Variants in SEZ6L observed in about 807,000 individuals in gnomAD.
The protein encoded by SEZ6L is seizure related 6 homolog like.
SEZ6L carries 37 observed loss-of-function variants against 106.2 expected under a neutral mutation model. The ratio of observed to expected loss-of-function variants is 0.35; its 90% CI spans 0.27 to 0.46. The LOEUF (loss-of-function observed/expected upper bound fraction) is 0.46. Ranked by LOEUF, SEZ6L falls within the 20% of genes least tolerant of loss-of-function variation. The pLI, the probability that SEZ6L is intolerant of heterozygous loss-of-function variation, is 1.00. For missense variants in SEZ6L, 1,172 were observed against 1,332.8 expected (o/e 0.88, Z 1.88); for synonymous variants, 541 against 570.4 (o/e 0.95, Z 0.73).
At chr22:26,375,731 A>G in intron 15 of SEZ6L, 42 bp downstream of exon 15, 1 of 1,486,718 alleles carries the variant, frequency 6.7e-7, no homozygotes, top group Non-Finnish European at 9.3e-7. Flanking sequence ...GCACCCAGCC[A>G]CCAGTACTCA....
At chr22:26,377,566 C>A in intron 15 of SEZ6L, 107 bp from the exon 16 acceptor site, 1 of 870,540 alleles carries the variant, frequency 1.1e-6, no homozygotes, top group Non-Finnish European at 1.9e-6. Context: ...CGTCGTCATT[C>A]ACAGAGGTGC....
intron 1 of SEZ6L, among the ~76,000 whole-genome samples, chr22:26,247,094 C>T (rs2079380689): frequency 6.6e-6 from 1 of 152,176 alleles, no homozygotes; most frequent in Admixed American, 6.5e-5. Context: ...ACCCCATACC[C>T]TCATCTCATG....
At chr22:26,253,742 C>A (rs2079698372) in intron 1 of SEZ6L, among the ~76,000 whole-genome samples, 1 of 152,002 alleles carries the variant, frequency 6.6e-6, no homozygotes, top group South Asian at 2.1e-4. Flanking sequence ...TGCTTAGGTT[C>A]CTGTGTATGT....
rs747652733 is a variant in SEZ6L at position 26,313,920 on chromosome 22, G to A, written c.2015+18G>A. 1.3e-6 allele frequency: 2 copies of A among 1,584,822 alleles called. No homozygotes were observed. Among genetic ancestry groups the A allele is most frequent in the African/African-American group, 2.7e-5 (2 of 74,460 alleles). On this transcript the variant is annotated intron_variant, in intron 9 of 16. Transcript: ENST00000248933. ...ATCCAGTTGTGAGTGTTTAAAATGGGTGGCCCTCTAATTTGGCAAAATTTG... is the reference window on the plus strand; with the variant it reads ...ATCCAGTTGTGAGTGTTTAAAATGGATGGCCCTCTAATTTGGCAAAATTTG...
Position 26,348,703 on chromosome 22 carries a change from A to AAAGAAAGGAAGAAAGGAAGGAAGG in SEZ6L, c.2407+791_2407+792insAGAAAGGAAGAAAGGAAGGAAGGA, listed in dbSNP as rs1207033331. Among the ~76,000 whole-genome samples the AAAGAAAGGAAGAAAGGAAGGAAGG allele has an allele frequency of 4.8e-5, 2 of 41,482 alleles. 1 individual carries two copies. The highest frequency in any genetic ancestry group is 8.7e-5 in the Non-Finnish European group (2 of 22,896). 27.2% of individuals were successfully genotyped at this position (41,482 alleles called of 152,430 possible). A position where few individuals can be genotyped will look rare whatever the true frequency, so the allele number is the denominator to read the frequency against. ...GAAAGAAAGAAAGAAAGAAAGAAAG[A>AAAGAAAGGAAGAAAGGAAGGAAGG]AGGCAAGGGAGGGAAGGGAGGGAAG... is the stretch of plus-strand genomic sequence containing the variant. On this transcript the variant is annotated intron_variant, in intron 11 of 16. Coordinates refer to ENST00000248933, the MANE Select transcript of SEZ6L (RefSeq NM_021115.5).
intron 16 of SEZ6L, 78 bp downstream of exon 16, chr22:26,377,853 C>A: frequency 9.0e-7 from 1 of 1,111,550 alleles, no homozygotes; most frequent in Non-Finnish European, 1.4e-6. Context: ...CAAAACATTT[C>A]ATTTCCTATT....
rs773327961 is a variant in SEZ6L, at chr22:26,375,671, C to T, written c.2924C>T (p.Ala975Val). 1.9e-6 allele frequency: 3 copies of T among 1,613,192 alleles called. No homozygotes were observed. The highest frequency in any genetic ancestry group is 1.3e-5 in the African/African-American group (1 of 74,880). The change falls in exon 15 of 17, where the codon GCC (alanine) becomes GTC (valine). Residue 975 changes from alanine to valine, a missense_variant. By Grantham distance (64) the Ala-to-Val change is moderately conservative (BLOSUM62 0). This residue lies in a region of SEZ6L where 141 missense variants were observed against 176.0 expected (regional missense o/e 0.80). Transcript: ENST00000248933. ...ATCATCTCCTTACTGCTGGGAGGAG[C>T]CTACATTTACATCACAAGGTAGGGA... ...VLIISLLLGG[A>V]YIYITRCRYY...
At chr22:26,290,296 C>A (rs1487081078) in intron 1 of SEZ6L, among the ~76,000 whole-genome samples, 1 of 152,146 alleles carries the variant, frequency 6.6e-6, no homozygotes, top group Admixed American at 6.5e-5. Context: ...CTTTGGGAGG[C>A]CGAGGCGGGT....
rs2084432243 is a variant in SEZ6L at position 26,382,254 on chromosome 22, AAT to A, written c.*1960_*1961del. ...TTTGGAGAAAGATAACAACACAAATAATGTAACCTTTCCTTAAAAGGCAGAAC... is the reference window on the plus strand; with the variant it reads ...TTTGGAGAAAGATAACAACACAAATAGTAACCTTTCCTTAAAAGGCAGAAC... On this transcript the variant is annotated 3_prime_UTR_variant, in exon 17 of 17. Coordinates refer to ENST00000248933, the MANE Select transcript of SEZ6L (RefSeq NM_021115.5). The A allele has an allele frequency of 4.5e-6, 1 of 220,540 alleles. No individual in the cohort carries two copies. Among genetic ancestry groups the A allele is most frequent in the Admixed American group, 5.1e-5 (1 of 19,570 alleles). The allele number at this position is 220,540 out of a possible 1,614,324, so 13.7% of individuals were successfully genotyped here. A position where few individuals can be genotyped will look rare whatever the true frequency, so the allele number is the denominator to read the frequency against.
intron 1 of SEZ6L, among the ~76,000 whole-genome samples, chr22:26,217,984 G>A (rs2078346998): frequency 6.6e-6 from 1 of 152,202 alleles, no homozygotes; most frequent in Non-Finnish European, 1.5e-5. Context: ...ACCCTTCTCT[G>A]TCCTGTCAAT....
intron 1 of SEZ6L, among the ~76,000 whole-genome samples, chr22:26,186,196 C>T (rs1246954832): frequency 2.0e-5 from 3 of 152,210 alleles, no homozygotes; most frequent in Non-Finnish European, 2.9e-5. Flanking sequence ...CAGGATTCAA[C>T]TCTGGGCTTG....
At chr22:26,278,515 T>C (rs900000472) in intron 1 of SEZ6L, among the ~76,000 whole-genome samples, 4 of 152,196 alleles carry the variant, frequency 2.6e-5, no homozygotes, top group Non-Finnish European at 5.9e-5. Flanking sequence ...TTGTTTAGCT[T>C]CCACTTCTAA....
intron 11 of SEZ6L, among the ~76,000 whole-genome samples, chr22:26,348,349 T>G (rs1218109279): frequency 6.6e-6 from 1 of 150,830 alleles, no homozygotes; most frequent in Admixed American, 6.6e-5. Flanking sequence ...ATAATAAGCA[T>G]AAAAATTAGC....
At chr22:26,378,297 A>G (rs996758283) in intron 16 of SEZ6L, among the ~76,000 whole-genome samples, 2 of 152,162 alleles carry the variant, frequency 1.3e-5, no homozygotes, top group Admixed American at 6.5e-5. Context: ...ATCTCCTTGA[A>G]TCCTTGCAGC....
chr22:26,224,445 GCCCT>G, intron 1 of SEZ6L, among the ~76,000 whole-genome samples: 1 of 152,168 alleles, frequency 6.6e-6, no homozygotes, highest in Non-Finnish European at 1.5e-5. Flanking sequence ...ATCATCTAGT[GCCCT>G]TAAGCCCATG....
intron 1 of SEZ6L, among the ~76,000 whole-genome samples, chr22:26,198,614 G>A (rs1940735924): frequency 6.6e-6 from 1 of 152,240 alleles, no homozygotes; most frequent in Admixed American, 6.5e-5. Flanking sequence ...TGTCTGGTGA[G>A]GGCTGTTCTC....
At chr22:26,245,039 A>G (rs2079284559) in intron 1 of SEZ6L, among the ~76,000 whole-genome samples, 1 of 152,226 alleles carries the variant, frequency 6.6e-6, no homozygotes, top group Non-Finnish European at 1.5e-5. Context: ...GAAGGGGACC[A>G]GAGGCAAGGA....
In SEZ6L at chr22:26,262,870, A is replaced by G. The variant is rs544341067; in HGVS notation, c.95-29536A>G. 3.3e-5 allele frequency among the ~76,000 whole-genome samples: 5 copies of G among 152,320 alleles called. No individual in the cohort carries two copies. In the South Asian group the frequency reaches 1.0e-3, roughly 32 times the overall value. ...CAAAGCAAATCACAAGGGTGACGAAATGGTTTGAGCACAGGGCTGAGAACT... is the reference window on the plus strand; with the variant it reads ...CAAAGCAAATCACAAGGGTGACGAAGTGGTTTGAGCACAGGGCTGAGAACT... On this transcript the variant is annotated intron_variant, in intron 1 of 16. Coordinates refer to ENST00000248933, the MANE Select transcript of SEZ6L (RefSeq NM_021115.5).
At chr22:26,362,244 C>T (rs914248698) in intron 12 of SEZ6L, among the ~76,000 whole-genome samples, 10 of 152,168 alleles carry the variant, frequency 6.6e-5, no homozygotes, top group Non-Finnish European at 5.9e-5. Context: ...AACACAGAAG[C>T]GTTGGCTGCA....
Sources: gnomAD v4.1 joint callset for allele counts (sites outside exome capture counted in the v4.1 genomes callset) on GRCh38, gnomAD v4.1.1 for gene constraint, gnomAD v4.1.1 regional missense constraint, MANE v1.5 for transcripts, NCBI Gene and HGNC (gene_info 2026-07-23, HGNC 2026-07-21) for gene names.